NEBL: variants seen among roughly 807,000 people sequenced by gnomAD.
NEBL encodes the protein LIM and SH3 protein 2.
In NEBL, 122 loss-of-function variants were observed where a neutral mutation model predicts 140.2. The ratio of observed to expected loss-of-function variants is 0.87; its 90% CI spans 0.75 to 1.01. The LOEUF is 1.01. Among genes scored for constraint, NEBL ranks in the 50% least tolerant of loss-of-function variants. The pLI, the probability that NEBL is intolerant of heterozygous loss-of-function variation, is 0.00. For synonymous variants in NEBL, 436 were observed against 398.9 expected (o/e 1.09, Z -1.11); for missense variants, 1,365 against 1,231.3 (o/e 1.11, Z -1.62).
At chr10:20,867,756 G>A (rs553231999) in intron 7 of NEBL, 44 of 152,140 alleles carry the variant, frequency 2.9e-4, no homozygotes, top group African/African-American at 1.0e-3. Flanking sequence ...GGTGTGTTAT[G>A]TCAGCACCAT....
intron 1 of NEBL, among the ~76,000 whole-genome samples, chr10:21,292,614 C>T (rs1843160148): frequency 6.6e-6 from 1 of 152,140 alleles, no homozygotes. Flanking sequence ...TTAAGAAAAA[C>T]ATCCCTTGTG....
intron 2 of NEBL, among the ~76,000 whole-genome samples, chr10:21,099,387 T>C (rs1372369670): frequency 6.6e-6 from 1 of 152,122 alleles, no homozygotes; most frequent in Non-Finnish European, 1.5e-5. Context: ...CTGTGTTCTG[T>C]CCCTTCACAC....
intron 4 of NEBL, among the ~76,000 whole-genome samples, chr10:20,920,355 T>C (rs112872486): frequency 1.7e-4 from 26 of 152,318 alleles, no homozygotes; most frequent in Non-Finnish European, 2.8e-4. Context: ...AGACTATTCA[T>C]TACAATACTA....
intron 14 of NEBL, among the ~76,000 whole-genome samples, chr10:20,832,641 A>G (rs1215232220): frequency 6.6e-6 from 1 of 152,208 alleles, no homozygotes; most frequent in Admixed American, 6.5e-5. Context: ...AGCCAATTAA[A>G]TTTGCTTTAA....
intron 26 of NEBL, chr10:20,793,389 G>T: frequency 1.0e-6 from 1 of 972,664 alleles, no homozygotes; most frequent in Non-Finnish European, 1.2e-6. Flanking sequence ...GGAAAGGAAG[G>T]ACAGGAGATT....
At chr10:21,268,091 A>C (rs1842818220) in intron 1 of NEBL, among the ~76,000 whole-genome samples, 1 of 152,270 alleles carries the variant, frequency 6.6e-6, no homozygotes, top group East Asian at 1.9e-4. Context: ...GTCTTAGACC[A>C]ACCAGGAGTC....
intron 5 of NEBL, among the ~76,000 whole-genome samples, chr10:20,877,497 C>G (rs559009471): frequency 6.6e-6 from 1 of 152,288 alleles, no homozygotes; most frequent in East Asian, 1.9e-4. Context: ...TTTTTCTTTT[C>G]TAACAAAGAG....
At chr10:20,855,227 TA>T (rs751211791) in intron 9 of NEBL, among the ~76,000 whole-genome samples, 262 of 129,366 alleles carry the variant, frequency 2.0e-3, no homozygotes, top group Middle Eastern at 3.9e-3. Context: ...GAGTCCGTCT[TA>T]AAAAAAAAAA....
chr10:20,969,361 A>C (rs1836464437), intron 3 of NEBL, among the ~76,000 whole-genome samples: 3 of 151,834 alleles, frequency 2.0e-5, no homozygotes, highest in Admixed American at 2.0e-4. Flanking sequence ...CTAAGCTTTC[A>C]ATTAAACTTC....
chr10:21,155,315 G>A (rs576645404), intron 2 of NEBL, among the ~76,000 whole-genome samples: 79 of 152,270 alleles, frequency 5.2e-4, no homozygotes, highest in African/African-American at 1.4e-3. Context: ...ATTTTTAAAT[G>A]TACAATTAAA....
At chr10:21,131,063 T>G (rs1839081781) in intron 2 of NEBL, among the ~76,000 whole-genome samples, 1 of 152,080 alleles carries the variant, frequency 6.6e-6, no homozygotes, top group African/African-American at 2.4e-5. Flanking sequence ...GGGCCATCAT[T>G]ACAGATGCCA....
intron 2 of NEBL, among the ~76,000 whole-genome samples, chr10:21,055,247 A>G (rs1226013620): frequency 3.3e-5 from 5 of 152,240 alleles, no homozygotes; most frequent in Non-Finnish European, 4.4e-5. Flanking sequence ...TTTAAAATCT[A>G]TAATTTCAGA....
intron 26 of NEBL, among the ~76,000 whole-genome samples, chr10:20,807,446 A>G (rs1385801704): frequency 6.6e-6 from 1 of 152,250 alleles, no homozygotes; most frequent in Non-Finnish European, 1.5e-5. Flanking sequence ...TTCATTAGTT[A>G]CACAAAAAGG....
chr10:21,244,690 T>G (rs1251825119), intron 3 of NEBL, among the ~76,000 whole-genome samples: 1 of 151,258 alleles, frequency 6.6e-6, no homozygotes, highest in Non-Finnish European at 1.5e-5. Context: ...TTTTAAAAAA[T>G]TAAAAATTAA....
chr10:21,047,208 C>A (rs143780161), intron 2 of NEBL, among the ~76,000 whole-genome samples: 2 of 152,226 alleles, frequency 1.3e-5, no homozygotes, highest in African/African-American at 4.8e-5. Flanking sequence ...TGTTGATTTA[C>A]TCAAGAACAA....
chr10:21,206,968 C>CTTTTTTTTT (rs1028716031), intron 3 of NEBL, among the ~76,000 whole-genome samples: 43 of 99,110 alleles, frequency 4.3e-4, no homozygotes, highest in South Asian at 6.7e-4. Context: ...CTTTTTCTTT[C>CTTTTTTTTT]TTTTTTTTTT....
chr10:20,793,460 G>A (rs1046135896), intron 26 of NEBL: 1 of 448,302 alleles, frequency 2.2e-6, no homozygotes. Context: ...GACTGCATAT[G>A]ACGTTCAGGT....
At chr10:20,832,033 C>A (rs1051564281) in intron 14 of NEBL, among the ~76,000 whole-genome samples, 1 of 152,146 alleles carries the variant, frequency 6.6e-6, no homozygotes, top group African/African-American at 2.4e-5. Flanking sequence ...ACTCAATGTT[C>A]CCACTCCTAA....
chr10:21,034,782 A>G (rs1367773192), intron 2 of NEBL, among the ~76,000 whole-genome samples: 1 of 152,148 alleles, frequency 6.6e-6, no homozygotes, highest in Non-Finnish European at 1.5e-5. Flanking sequence ...GGGAAAAATT[A>G]TACCAAAATT....
Sources: gnomAD v4.1 joint callset for allele counts (sites outside exome capture counted in the v4.1 genomes callset) on GRCh38, gnomAD v4.1.1 for gene constraint, MANE v1.5 for transcripts, NCBI Gene and HGNC (gene_info 2026-07-23, HGNC 2026-07-21) for gene names.